Variants in KCNK9 observed in about 807,000 individuals in gnomAD.
KCNK9 encodes potassium channel subfamily K member 9.
KCNK9 carries 1 observed loss-of-function variant against 10.8 expected under a neutral mutation model. That is an observed-to-expected ratio of 0.09 (90% CI 0.03 to 0.44). KCNK9 has a LOEUF of 0.44. Among genes scored for constraint, KCNK9 ranks in the 20% least tolerant of loss-of-function variants. The pLI, the probability that KCNK9 is intolerant of heterozygous loss-of-function variation, is 0.97. For missense variants in KCNK9, 303 were observed against 515.0 expected, an observed-to-expected ratio of 0.59 and a Z score of 3.98; for synonymous variants, 231 against 222.7, an observed-to-expected ratio of 1.04 and a Z score of -0.33.
In KCNK9 at chr8:139,618,435, G is replaced by C; in HGVS notation, c.948C>G (p.Asn316Lys). The C allele has an allele frequency of 6.2e-7, 1 of 1,614,154 alleles. No homozygotes were observed. Among genetic ancestry groups the C allele is most frequent in the Non-Finnish European group, 8.5e-7 (1 of 1,180,038 alleles). The part of the protein sequence containing the change: ...DYGGRSVAPQ[N>K]SFSAKLAPHY... ...GGGGGGCAAGCTTGGCGCTGAAGGA[G>C]TTCTGCGGTGCCACCGAGCGGCCGC... The change falls in exon 2 of 2, where the codon AAC (asparagine) becomes AAG (lysine). Residue 316 changes from asparagine to lysine, a missense_variant. Coordinates refer to ENST00000520439, the MANE Select transcript of KCNK9 (RefSeq NM_001282534.2). The surrounding 1 kb of genome is among the most constrained non-coding windows in gnomAD (Gnocchi z 7.9).
intron 1 of KCNK9, among the ~76,000 whole-genome samples, chr8:139,635,416 G>A (rs747741202): frequency 2.3e-4 from 35 of 152,244 alleles, no homozygotes; most frequent in East Asian, 7.7e-4. Context: ...GACCAGGGCC[G>A]GAAGGAGGAC....
chr8:139,639,971 C>G (rs989236057), intron 1 of KCNK9, among the ~76,000 whole-genome samples: 29 of 152,276 alleles, frequency 1.9e-4, no homozygotes, highest in African/African-American at 6.7e-4. Flanking sequence ...AGGCCAGGGC[C>G]CAGTGACAGT....
Position 139,703,063 on chromosome 8 carries a change from G to T in KCNK9, c.-71C>A, listed in dbSNP as rs1304483421. The T allele has an allele frequency of 7.3e-5, 95 of 1,299,920 alleles. No homozygotes were observed. The highest frequency in any genetic ancestry group is 8.7e-5 in the Non-Finnish European group (89 of 1,025,598). 80.5% of individuals were successfully genotyped at this position (1,299,920 alleles called of 1,614,324 possible). On this transcript the variant is annotated 5_prime_UTR_variant, in exon 1 of 2. Transcript: ENST00000520439. This position sits in a 1 kb window ranked among gnomAD's most constrained non-coding sequence, Gnocchi z 6.4. Reference sequence around the variant, plus strand: ...ACAGCCGCGCGCGTCCCACTGCAGCGCCCGGCGGCCGCCGCCGCCTCCTCC... The same window carrying T: ...ACAGCCGCGCGCGTCCCACTGCAGCTCCCGGCGGCCGCCGCCGCCTCCTCC...
intron 1 of KCNK9, among the ~76,000 whole-genome samples, chr8:139,689,669 G>A (rs1433590707): frequency 7.0e-6 from 1 of 143,510 alleles, no homozygotes; most frequent in East Asian, 2.0e-4. Flanking sequence ...TTGAGACGGA[G>A]TCTCACTCTG....
At chr8:139,633,912 G>T (rs1011935816) in intron 1 of KCNK9, among the ~76,000 whole-genome samples, 6 of 152,248 alleles carry the variant, frequency 3.9e-5, no homozygotes, top group African/African-American at 1.4e-4. Context: ...CTTTCAATCT[G>T]CCCTTTGGTT....
At chr8:139,679,319 C>A (rs750563628) in intron 1 of KCNK9, among the ~76,000 whole-genome samples, 2 of 152,198 alleles carry the variant, frequency 1.3e-5, no homozygotes, top group Non-Finnish European at 2.9e-5. Flanking sequence ...AGGCAGGATG[C>A]GGAATGGCAG....
At chr8:139,620,176 G>C (rs915093310) in intron 1 of KCNK9, among the ~76,000 whole-genome samples, 1 of 152,210 alleles carries the variant, frequency 6.6e-6, no homozygotes, top group African/African-American at 2.4e-5. Context: ...AGACTCAGTA[G>C]GTTCAAACTG....
chr8:139,654,081 C>T (rs1464067755), intron 1 of KCNK9, among the ~76,000 whole-genome samples: 1 of 152,208 alleles, frequency 6.6e-6, no homozygotes, highest in Non-Finnish European at 1.5e-5. Flanking sequence ...AAGTCAATTG[C>T]CCCAGGAACA....
chr8:139,610,934 G>A (rs942215910), downstream of KCNK9, among the ~76,000 whole-genome samples: 4 of 152,326 alleles, frequency 2.6e-5, no homozygotes, highest in East Asian at 1.9e-4. Context: ...CTGTGCTGTC[G>A]CACCCCTGGG....
downstream of KCNK9, among the ~76,000 whole-genome samples, chr8:139,610,735 G>T (rs1814397593): frequency 6.6e-6 from 1 of 152,238 alleles, no homozygotes; most frequent in African/African-American, 2.4e-5. Context: ...GGCTAGGGTG[G>T]TTAGAGTGCA....
intron 1 of KCNK9, among the ~76,000 whole-genome samples, chr8:139,666,745 G>A (rs920510964): frequency 1.6e-4 from 24 of 152,252 alleles, no homozygotes; most frequent in African/African-American, 5.1e-4. Flanking sequence ...AGCTGTATCC[G>A]CTAGTTGGCA....
chr8:139,669,286 G>T (rs570638475), intron 1 of KCNK9, among the ~76,000 whole-genome samples: 2 of 152,292 alleles, frequency 1.3e-5, no homozygotes, highest in Non-Finnish European at 1.5e-5. Context: ...GAAGTTTGCT[G>T]CACAGATTGA....
chr8:139,604,322 T>C (rs574992455), intron 2 of KCNK9, among the ~76,000 whole-genome samples: 10 of 152,058 alleles, frequency 6.6e-5, no homozygotes, highest in Admixed American at 1.3e-4. Context: ...GTCAAGTGTT[T>C]AGTAGTGGCA....
chr8:139,641,109 C>T (rs1192590782), intron 1 of KCNK9, among the ~76,000 whole-genome samples: 3 of 152,228 alleles, frequency 2.0e-5, no homozygotes, highest in Non-Finnish European at 4.4e-5. Flanking sequence ...GTTCACTATC[C>T]TCTCCATCCC....
At chr8:139,672,275 C>T (rs1490736286) in intron 1 of KCNK9, among the ~76,000 whole-genome samples, 3 of 152,118 alleles carry the variant, frequency 2.0e-5, no homozygotes, top group Non-Finnish European at 2.9e-5. Flanking sequence ...GGGAGGGCCT[C>T]GGGGCTGGCA....
At chr8:139,653,413 C>T (rs111268811) in intron 1 of KCNK9, among the ~76,000 whole-genome samples, 2,126 of 152,140 alleles carry the variant, frequency 0.014, 49 homozygotes, top group African/African-American at 0.049. Context: ...TGATCTAGTC[C>T]CTCCCCAGCC....
At chr8:139,642,338 C>T (rs1037349719) in intron 1 of KCNK9, among the ~76,000 whole-genome samples, 1 of 152,094 alleles carries the variant, frequency 6.6e-6, no homozygotes, top group Non-Finnish European at 1.5e-5. Flanking sequence ...ACGATTCTAC[C>T]CCTACAGAAA....
intron 1 of KCNK9, among the ~76,000 whole-genome samples, chr8:139,647,283 G>A (rs1049752317): frequency 3.9e-5 from 6 of 152,184 alleles, no homozygotes; most frequent in Admixed American, 6.5e-5. Context: ...GTTGGTTGGA[G>A]GTCTATGGCA....
chr8:139,635,439 A>G (rs1815308917), intron 1 of KCNK9, among the ~76,000 whole-genome samples: 1 of 152,366 alleles, frequency 6.6e-6, no homozygotes, highest in Non-Finnish European at 1.5e-5. Flanking sequence ...GGACACTTTT[A>G]TGGTCATAAT....
Sources: gnomAD v4.1 joint callset for allele counts (sites outside exome capture counted in the v4.1 genomes callset) on GRCh38, gnomAD v4.1.1 for gene constraint, Gnocchi (gnomAD v3.1) non-coding constraint, MANE v1.5 for transcripts, NCBI Gene and HGNC (gene_info 2026-07-23, HGNC 2026-07-21) for gene names.